The following TLL2 variants were observed in gnomAD, a reference collection of about 807,000 sequenced individuals.
The protein encoded by TLL2 is tolloid like 2, also known as tolloid-like protein 2.
A neutral mutation model predicts 123.0 loss-of-function variants in TLL2; 106 were observed. The observed-to-expected ratio is 0.86, with a 90% CI of 0.74 to 1.01. The LOEUF is 1.01. Among genes scored for constraint, TLL2 ranks in the 50% least tolerant of loss-of-function variants. The probability of loss-of-function intolerance (pLI) is 0.00; values close to 1 mark genes in which losing one functional copy is unlikely to be tolerated. For synonymous variants in TLL2, 494 were observed against 516.8 expected, an observed-to-expected ratio of 0.96 and a Z score of 0.60; for missense variants, 1,332 against 1,336.7, an observed-to-expected ratio of 1.00 and a Z score of 0.06.
intron 3 of TLL2, among the ~76,000 whole-genome samples, chr10:96,443,842 A>G (rs1381759968): frequency 6.6e-6 from 1 of 152,234 alleles, no homozygotes; most frequent in African/African-American, 2.4e-5. Flanking sequence ...TTAAATAAGC[A>G]AAGCAGAAAA....
At chr10:96,395,550 G>T (rs774504700) in intron 12 of TLL2, among the ~76,000 whole-genome samples, 168 bp from the exon 13 acceptor site, 2 of 152,218 alleles carry the variant, frequency 1.3e-5, no homozygotes, top group Non-Finnish European at 2.9e-5. Flanking sequence ...CTTACTTGCA[G>T]AAGTCAAGGG....
intron 2 of TLL2, among the ~76,000 whole-genome samples, chr10:96,452,067 G>T (rs1018233200): frequency 3.9e-5 from 6 of 152,256 alleles, no homozygotes; most frequent in Non-Finnish European, 8.8e-5. Context: ...TGGAGCACCT[G>T]CTTTGGGCAG....
chr10:96,404,521 A>G (rs1197166289), intron 10 of TLL2, among the ~76,000 whole-genome samples: 5 of 152,324 alleles, frequency 3.3e-5, no homozygotes, highest in Non-Finnish European at 5.9e-5. Flanking sequence ...TTTATATTGC[A>G]GATCACAAAG....
chr10:96,388,227 C>T (rs1448990963), intron 13 of TLL2, among the ~76,000 whole-genome samples: 2 of 152,150 alleles, frequency 1.3e-5, no homozygotes, highest in African/African-American at 2.4e-5. Flanking sequence ...CATGGTGAAA[C>T]CCCGTCTCTA....
At chr10:96,471,102 G>C (rs1317080265) in intron 2 of TLL2, among the ~76,000 whole-genome samples, 1 of 152,156 alleles carries the variant, frequency 6.6e-6, no homozygotes, top group African/African-American at 2.4e-5. Context: ...CCAGGTTCTA[G>C]TGATTCTCCT....
chr10:96,378,707 C>T (rs1340838610), intron 17 of TLL2, among the ~76,000 whole-genome samples: 2 of 152,180 alleles, frequency 1.3e-5, no homozygotes, highest in African/African-American at 4.8e-5. Flanking sequence ...GGATTTAGAC[C>T]TAGGTAATTG....
At chr10:96,465,847 G>A (rs1039768815) in intron 2 of TLL2, among the ~76,000 whole-genome samples, 12 of 152,226 alleles carry the variant, frequency 7.9e-5, no homozygotes, top group African/African-American at 2.7e-4. Context: ...TCTGTTGATC[G>A]TTGCCATGTG....
In TLL2 at chr10:96,511,279, G is replaced by A. The variant is rs546264515; in HGVS notation, c.175+2232C>T. Among the ~76,000 whole-genome samples the A allele has an allele frequency of 2.6e-5, 4 of 152,376 alleles. No homozygotes were observed. The East Asian group carries it at 7.7e-4, about 29-fold the overall frequency. ...GGCAAGTCCTTTCTCTGAGACTTCA[G>A]TACACTGATGAACTGCTTGCTGGCC... On this transcript the variant is annotated intron_variant, in intron 1 of 20. Transcript: ENST00000357947.
intron 10 of TLL2, among the ~76,000 whole-genome samples, chr10:96,402,605 C>T (rs921579136): frequency 3.9e-5 from 6 of 152,212 alleles, no homozygotes; most frequent in Non-Finnish European, 7.3e-5. Flanking sequence ...AGGCAGGCAT[C>T]CTCCGCCCTG....
At chr10:96,443,746 C>T (rs1846870248) in intron 3 of TLL2, among the ~76,000 whole-genome samples, 1 of 152,218 alleles carries the variant, frequency 6.6e-6, no homozygotes, top group Non-Finnish European at 1.5e-5. Context: ...ATTTTTACCA[C>T]TAAGTGCTGA....
intron 2 of TLL2, among the ~76,000 whole-genome samples, chr10:96,474,724 T>G (rs1484136673): frequency 1.3e-5 from 2 of 152,178 alleles, no homozygotes; most frequent in Non-Finnish European, 2.9e-5. Context: ...TTCCTAGGAC[T>G]GCCATGCAAT....
intron 16 of TLL2, among the ~76,000 whole-genome samples, chr10:96,384,333 C>T (rs1412586542): frequency 6.6e-6 from 1 of 152,188 alleles, no homozygotes; most frequent in Non-Finnish European, 1.5e-5. Context: ...GCCCCCAGAA[C>T]TGTAAGAATA....
chr10:96,395,980 A>G lies in TLL2; in HGVS notation c.1425T>C (p.Ile475=). 1 of 1,614,178 alleles carries G rather than the reference A, an allele frequency of 6.2e-7. No individual in the cohort carries two copies. Among genetic ancestry groups the G allele is most frequent in the Non-Finnish European group, 8.5e-7 (1 of 1,180,038 alleles). The change falls in exon 12 of 21, where the codon ATT becomes ATC. Residue 475 remains isoleucine (I), a synonymous_variant. Transcript: ENST00000357947. ...AGTCATCCGGATAGTTGGGAGATTG[A>G]ATCTGACCGGCATCTTTGTTCATGT... is the stretch of plus-strand genomic sequence containing the variant. ...GGDMNKDAGQ[I]QSPNYPDDYR...
At chr10:96,380,353 G>A (rs2093557) in intron 16 of TLL2, among the ~76,000 whole-genome samples, 16,032 of 151,924 alleles carry the variant, frequency 0.11, 907 homozygotes, top group South Asian at 0.15. Flanking sequence ...GTTCACCATT[G>A]TTAATGTCTC....
At chr10:96,402,652 C>T (rs1228875619) in intron 10 of TLL2, among the ~76,000 whole-genome samples, 6 of 152,224 alleles carry the variant, frequency 3.9e-5, no homozygotes, top group Non-Finnish European at 7.3e-5. Context: ...CTGCAGTAGA[C>T]GTGCTCCTGT....
chr10:96,395,327 G>A lies in TLL2; in HGVS notation c.1586C>T (p.Thr529Met), dbSNP rs372077123. 90 of 1,612,946 alleles carry A rather than the reference G, an allele frequency of 5.6e-5. No individual in the cohort carries two copies. Among genetic ancestry groups the A allele is most frequent in the Non-Finnish European group, 7.0e-5 (83 of 1,179,708 alleles). The change falls in exon 13 of 21, where the codon ACG (threonine) becomes ATG (methionine). Residue 529 changes from threonine (T) to methionine (M), a missense_variant. Physicochemically the swap from Thr to Met is moderately conservative, Grantham distance 81. Coordinates refer to ENST00000357947, the MANE Select transcript of TLL2 (RefSeq NM_012465.4). ...GTGGCCGATCAGGGCACTCTCTTCC[G>A]TGGGGCCATCCCGGACTTCCAGGTA... ...YDYLEVRDGP[T>M]EESALIGHFC...
chr10:96,473,899 A>G (rs1335503278), intron 2 of TLL2, among the ~76,000 whole-genome samples: 1 of 152,178 alleles, frequency 6.6e-6, no homozygotes, highest in East Asian at 1.9e-4. Flanking sequence ...TCCTGTGGCT[A>G]ACAGGAGAGG....
chr10:96,384,079 A>T (rs1409214553), intron 16 of TLL2, among the ~76,000 whole-genome samples: 1 of 152,178 alleles, frequency 6.6e-6, no homozygotes, highest in East Asian at 1.9e-4. Flanking sequence ...ATCATCTTGG[A>T]TTTAGGATCA....
chr10:96,426,693 T>A (rs940694429), intron 5 of TLL2, among the ~76,000 whole-genome samples: 2 of 152,252 alleles, frequency 1.3e-5, no homozygotes, highest in African/African-American at 2.4e-5. Context: ...TTTGTGATTC[T>A]GCTGAATCTG....
Sources: gnomAD v4.1 joint callset for allele counts (sites outside exome capture counted in the v4.1 genomes callset) on GRCh38, gnomAD v4.1.1 for gene constraint, MANE v1.5 for transcripts, NCBI Gene and HGNC (gene_info 2026-07-23, HGNC 2026-07-21) for gene names.